TOP6BL: variants seen among roughly 807,000 people sequenced by gnomAD.
TOP6BL encodes the protein TOP6B like initiator of meiotic double strand breaks.
chr11:66,749,391 A>G, the TOP6BL span, among the ~76,000 whole-genome samples: 4 of 151,892 alleles, frequency 2.6e-5, no homozygotes, highest in African/African-American at 9.7e-5. Flanking sequence ...AATCCAATAA[A>G]CTCTGGCCAG....
At chr11:66,744,879 C>G in the TOP6BL span, 6 of 1,294,346 alleles carry the variant, frequency 4.6e-6, no homozygotes, top group Admixed American at 4.1e-5. Context: ...TGCCGCTGTT[C>G]CCTGCGCGGC....
At chr11:66,795,699 G>A in the TOP6BL span, among the ~76,000 whole-genome samples, 1 of 150,728 alleles carries the variant, frequency 6.6e-6, no homozygotes, top group Non-Finnish European at 1.5e-5. Flanking sequence ...GTCCAGAGCA[G>A]TGATTTTTTT....
the TOP6BL span, among the ~76,000 whole-genome samples, chr11:66,826,981 CTTTT>C: frequency 1.1e-5 from 1 of 95,044 alleles, no homozygotes; most frequent in Non-Finnish European, 2.0e-5. Context: ...CCACACCTGG[CTTTT>C]TTTTTTTTTT....
the TOP6BL span, among the ~76,000 whole-genome samples, chr11:66,784,055 G>A: frequency 1.3e-5 from 2 of 151,940 alleles, no homozygotes; most frequent in Non-Finnish European, 2.9e-5. Context: ...TTCTGAGATG[G>A]AGTCTTGCTC....
At chr11:66,763,994 G>A in the TOP6BL span, among the ~76,000 whole-genome samples, 9 of 152,254 alleles carry the variant, frequency 5.9e-5, no homozygotes, top group East Asian at 7.7e-4. Context: ...AATTTATTGA[G>A]CATTTACTAT....
At chr11:66,792,296 A>G in the TOP6BL span, among the ~76,000 whole-genome samples, 1 of 152,146 alleles carries the variant, frequency 6.6e-6, no homozygotes, top group Non-Finnish European at 1.5e-5. Context: ...TCACATTGTC[A>G]TATAAATTAG....
At chr11:66,825,440 G>C in the TOP6BL span, among the ~76,000 whole-genome samples, 1 of 151,384 alleles carries the variant, frequency 6.6e-6, no homozygotes, top group Non-Finnish European at 1.5e-5. Context: ...GTAGTGAGCT[G>C]AGTTCGCACC....
chr11:66,769,901 C>T, the TOP6BL span, among the ~76,000 whole-genome samples: 2 of 151,456 alleles, frequency 1.3e-5, no homozygotes, highest in African/African-American at 4.8e-5. Flanking sequence ...CCACCACGCC[C>T]GGCTAATTTT....
the TOP6BL span, among the ~76,000 whole-genome samples, chr11:66,767,842 G>A: frequency 6.6e-6 from 1 of 152,164 alleles, no homozygotes; most frequent in Non-Finnish European, 1.5e-5. Flanking sequence ...CCAGGCTGAA[G>A]TGCAGTGGCA....
the TOP6BL span, among the ~76,000 whole-genome samples, chr11:66,747,068 C>G: frequency 3.3e-5 from 5 of 152,080 alleles, no homozygotes; most frequent in Non-Finnish European, 7.4e-5. Flanking sequence ...TCCTAAGTAG[C>G]TGGGGCTACA....
At chr11:66,830,574 C>T in the TOP6BL span, among the ~76,000 whole-genome samples, 1 of 151,868 alleles carries the variant, frequency 6.6e-6, no homozygotes, top group Admixed American at 6.6e-5. Context: ...ACCAGAAAAA[C>T]AATGGAGAAA....
At chr11:66,812,363 A>C in the TOP6BL span, among the ~76,000 whole-genome samples, 2 of 152,046 alleles carry the variant, frequency 1.3e-5, no homozygotes, top group African/African-American at 4.8e-5. Context: ...TTTTTAGTAG[A>C]GACGGGGTTT....
At chr11:66,835,309 GTTTC>G in the TOP6BL span, among the ~76,000 whole-genome samples, 11,152 of 151,798 alleles carry the variant, frequency 0.073, 512 homozygotes, top group East Asian at 0.14. Flanking sequence ...AAAATATCCT[GTTTC>G]TTTCTTTATG....
the TOP6BL span, among the ~76,000 whole-genome samples, chr11:66,758,861 T>C: frequency 0.011 from 1,647 of 152,320 alleles, 36 homozygotes; most frequent in African/African-American, 0.037. Flanking sequence ...TTATTTTTCC[T>C]CAAAACAGTC....
At chr11:66,766,107 G>A in the TOP6BL span, among the ~76,000 whole-genome samples, 1 of 152,158 alleles carries the variant, frequency 6.6e-6, no homozygotes, top group Admixed American at 6.6e-5. Flanking sequence ...TCTATACAAA[G>A]TTAATATGTC....
chr11:66,770,507 A>G, the TOP6BL span, among the ~76,000 whole-genome samples: 1 of 152,102 alleles, frequency 6.6e-6, no homozygotes, highest in Non-Finnish European at 1.5e-5. Flanking sequence ...AGTTGGAGAC[A>G]AGCCTGGCCA....
the TOP6BL span, among the ~76,000 whole-genome samples, chr11:66,779,627 A>G: frequency 6.6e-6 from 1 of 152,220 alleles, no homozygotes; most frequent in African/African-American, 2.4e-5. Context: ...ATCTAGAACT[A>G]GAAATACCAT....
At chr11:66,835,759 GAAT>G in the TOP6BL span, among the ~76,000 whole-genome samples, 23 of 152,106 alleles carry the variant, frequency 1.5e-4, no homozygotes, top group African/African-American at 5.3e-4. Flanking sequence ...CTTTATGGCT[GAAT>G]AATAATCCAT....
the TOP6BL span, among the ~76,000 whole-genome samples, chr11:66,806,280 A>G: frequency 6.6e-6 from 1 of 152,158 alleles, no homozygotes; most frequent in South Asian, 2.1e-4. Flanking sequence ...TGAGGATGAT[A>G]CTTATCTCAT....
Sources: gnomAD v4.1 joint callset for allele counts (sites outside exome capture counted in the v4.1 genomes callset) on GRCh38, gnomAD v4.1.1 for gene constraint, MANE v1.5 for transcripts, NCBI Gene and HGNC (gene_info 2026-07-23, HGNC 2026-07-21) for gene names.